Variants in BMPR2 observed in about 807,000 individuals in gnomAD.
BMPR2 encodes bone morphogenetic protein receptor type 2.
Under a neutral mutation model 100.8 loss-of-function variants are expected in BMPR2, and 29 were observed. That is an observed-to-expected ratio of 0.29 (90% CI 0.21 to 0.39). The LOEUF (loss-of-function observed/expected upper bound fraction) is 0.39, where lower values mean the gene tolerates loss of function less well. Ranked by LOEUF, BMPR2 falls within the 10% of genes least tolerant of loss-of-function variation. The pLI is 1.00. For synonymous variants in BMPR2, 382 were observed against 442.3 expected, an observed-to-expected ratio of 0.86 and a Z score of 1.71; for missense variants, 1,011 against 1,274.5, an observed-to-expected ratio of 0.79 and a Z score of 3.15.
intron 3 of BMPR2, among the ~76,000 whole-genome samples, chr2:202,496,037 G>A (rs1313488175): frequency 6.6e-6 from 1 of 152,186 alleles, no homozygotes; most frequent in Non-Finnish European, 1.5e-5. Flanking sequence ...AAACGTGCTT[G>A]AATGTAGGAC....
intron 1 of BMPR2, among the ~76,000 whole-genome samples, chr2:202,452,434 G>A (rs1353637641): frequency 1.3e-5 from 2 of 152,056 alleles, no homozygotes; most frequent in South Asian, 4.1e-4. Flanking sequence ...ATGAGTTTTT[G>A]TGTGATATAT....
intron 3 of BMPR2, among the ~76,000 whole-genome samples, chr2:202,490,313 G>GGTAT (rs1375121637): frequency 1.3e-5 from 2 of 151,524 alleles, no homozygotes; most frequent in East Asian, 3.9e-4. Flanking sequence ...AAAGTCAAAA[G>GGTAT]GTATGTACAC....
At chr2:202,383,211 A>G (rs1690337749) in intron 1 of BMPR2, among the ~76,000 whole-genome samples, 1 of 152,184 alleles carries the variant, frequency 6.6e-6, no homozygotes, top group Non-Finnish European at 1.5e-5. Context: ...CAGGCGGATC[A>G]CTTGAGGTCA....
intron 10 of BMPR2, among the ~76,000 whole-genome samples, chr2:202,551,912 G>A (rs1435822280): frequency 6.8e-6 from 1 of 147,774 alleles, no homozygotes; most frequent in African/African-American, 2.5e-5. Flanking sequence ...CGCCCAGTCT[G>A]GAGTGCAGTG....
chr2:202,554,881 A>G (rs989276173), intron 11 of BMPR2, among the ~76,000 whole-genome samples: 11 of 152,208 alleles, frequency 7.2e-5, no homozygotes, highest in Non-Finnish European at 1.6e-4. Context: ...AACATATACC[A>G]TGGTTCTTCC....
chr2:202,549,193 ATTAG>A lies in BMPR2; in HGVS notation c.1414-3519_1414-3516del, dbSNP rs948210390. On this transcript the variant is annotated intron_variant, in intron 10 of 12. Transcript: ENST00000374580. ...TGATTATTTTCAGTTATAATTAACT[ATTAG>A]TTATAATTATTCATGTTCATTATTA... Among the ~76,000 whole-genome samples, 252 of 152,150 alleles carry A rather than the reference ATTAG, an allele frequency of 1.7e-3. 2 individuals carry two copies. The highest frequency in any genetic ancestry group is 5.7e-3 in the African/African-American group (236 of 41,526).
chr2:202,545,675 T>G (rs1425796660), intron 10 of BMPR2, among the ~76,000 whole-genome samples: 1 of 152,198 alleles, frequency 6.6e-6, no homozygotes, highest in East Asian at 1.9e-4. Flanking sequence ...GAGCACTGTC[T>G]TCATTGGTTA....
At chr2:202,489,726 C>T (rs1436954633) in intron 3 of BMPR2, among the ~76,000 whole-genome samples, 1 of 152,092 alleles carries the variant, frequency 6.6e-6, no homozygotes, top group East Asian at 1.9e-4. Flanking sequence ...CTTACAGACT[C>T]CTTTGTTTGG....
chr2:202,531,926 C>CTG, intron 8 of BMPR2, among the ~76,000 whole-genome samples: 1 of 105,356 alleles, frequency 9.5e-6, no homozygotes, highest in African/African-American at 3.2e-5. Context: ...CCACGCCCAG[C>CTG]TGTATTTTTT....
rs535581190 is a variant in BMPR2 at position 202,444,755 on chromosome 2, C to T, written c.77-20054C>T. Among the ~76,000 whole-genome samples, 13 of 150,852 alleles carry T rather than the reference C, an allele frequency of 8.6e-5. 1 individual carries two copies. In the South Asian group the frequency reaches 2.5e-3, roughly 29 times the overall value. ...TCTTACATTTTTTAATTTTTAATAACAAAGCCAAATAATCTTCTCAGTGAA... is the reference window on the plus strand; with the variant it reads ...TCTTACATTTTTTAATTTTTAATAATAAAGCCAAATAATCTTCTCAGTGAA... On this transcript the variant is annotated intron_variant, in intron 1 of 12. Transcript: ENST00000374580.
At position 202,377,541 on chromosome 2, in the gene BMPR2, A is replaced by G. The variant is rs141716313; in HGVS notation, c.67A>G (p.Thr23Ala). 2.7e-5 allele frequency: 44 copies of G among 1,614,174 alleles called. No homozygotes were observed. The highest frequency in any genetic ancestry group is 3.6e-5 in the Non-Finnish European group (42 of 1,180,028). Residue 23 changes from threonine (T) to alanine (A), a missense_variant, in exon 1 of 13, where the codon ACT becomes GCT. Coordinates refer to ENST00000374580, the MANE Select transcript of BMPR2 (RefSeq NM_001204.7). ...ACCATGGACCATCCTGCTGGTCAGC[A>G]CTGCGGCTGGTGAGTAGCTCCGGCC... ...WLPWTILLVS[T>A]AAASQNQERL...
At chr2:202,558,385 T>G (rs1218619155) in intron 12 of BMPR2, among the ~76,000 whole-genome samples, 2 of 152,130 alleles carry the variant, frequency 1.3e-5, no homozygotes, top group East Asian at 3.9e-4. Context: ...GTGCTGGCAT[T>G]ACAGGCGTGA....
At chr2:202,502,050 C>A (rs1687406026) in intron 3 of BMPR2, among the ~76,000 whole-genome samples, 1 of 152,186 alleles carries the variant, frequency 6.6e-6, no homozygotes, top group Non-Finnish European at 1.5e-5. Flanking sequence ...GGGACCAGTG[C>A]CCAGTTAGTG....
Position 202,567,636 on chromosome 2 carries a change from T to G in BMPR2, c.*7690T>G, listed in dbSNP as rs184259311. ...TATATATAAACCTAAATAAAAAGAT[T>G]GTATTGATACAGAGACATTGGAGAA... On this transcript the variant is annotated 3_prime_UTR_variant, in exon 13 of 13. Transcript: ENST00000374580. The G allele has an allele frequency of 6.5e-6, 1 of 152,770 alleles. No homozygotes were observed. The highest frequency in any genetic ancestry group is 6.5e-5 in the Admixed American group (1 of 15,302). The allele number at this position is 152,770 out of a possible 1,614,324, so 9.5% of individuals were successfully genotyped here.
At chr2:202,402,648 T>TTGTGTGTGTGTG (rs113771026) in intron 1 of BMPR2, among the ~76,000 whole-genome samples, 2 of 146,326 alleles carry the variant, frequency 1.4e-5, no homozygotes, top group African/African-American at 5.1e-5. Flanking sequence ...AAAACTTGCA[T>TTGTGTGTGTGTG]TGTGTGTGTG....
chr2:202,486,483 CTT>C (rs1158262026), intron 3 of BMPR2, among the ~76,000 whole-genome samples: 1 of 152,068 alleles, frequency 6.6e-6, no homozygotes, highest in East Asian at 1.9e-4. Context: ...TACAAAAAAA[CTT>C]AGCCTGCCTG....
Position 202,530,445 on chromosome 2 carries a change from C to A in BMPR2, c.968-349C>A, listed in dbSNP as rs527952978. On this transcript the variant is annotated intron_variant, in intron 7 of 12. Coordinates refer to ENST00000374580, the MANE Select transcript of BMPR2 (RefSeq NM_001204.7). The stretch of plus-strand genomic sequence containing the variant: ...GTTTTTCACTGATACTTATTTTAGA[C>A]AAGCAGACTTTTTTTTTTTGATGTT... 9.2e-5 allele frequency among the ~76,000 whole-genome samples: 14 copies of A among 151,890 alleles called. No homozygotes were observed. In the East Asian group the frequency reaches 2.1e-3, roughly 23 times the overall value.
chr2:202,502,826 C>T (rs924736067), intron 3 of BMPR2, among the ~76,000 whole-genome samples: 1 of 152,176 alleles, frequency 6.6e-6, no homozygotes, highest in Non-Finnish European at 1.5e-5. Flanking sequence ...AATCAGACAA[C>T]GCCTTTCAAA....
intron 1 of BMPR2, among the ~76,000 whole-genome samples, chr2:202,387,511 T>G (rs1690454461): frequency 6.6e-6 from 1 of 152,256 alleles, no homozygotes; most frequent in South Asian, 2.1e-4. Flanking sequence ...TATAAAATAC[T>G]TGGAATCTTT....
Sources: allele counts gnomAD v4.1 joint callset (sites outside exome capture counted in the v4.1 genomes callset), GRCh38; gene constraint gnomAD v4.1.1; transcripts MANE v1.5; gene names NCBI Gene and HGNC (gene_info 2026-07-23, HGNC 2026-07-21).